NSD1: variants seen among roughly 807,000 people sequenced by gnomAD.
The protein encoded by NSD1 is histone-lysine N-methyltransferase, H3 lysine-36 specific.
In NSD1, 26 loss-of-function variants were observed where a neutral mutation model predicts 242.7. That is an observed-to-expected ratio of 0.11 (90% CI 0.08 to 0.15). The LOEUF is 0.15. NSD1 is among the 10% of genes least tolerant of loss of function. NSD1 has a pLI of 1.00. For synonymous variants in NSD1, 1,106 were observed against 1,178.1 expected, an observed-to-expected ratio of 0.94 and a Z score of 1.25; for missense variants, 2,495 against 3,272.8, an observed-to-expected ratio of 0.76 and a Z score of 5.80.
intron 5 of NSD1, among the ~76,000 whole-genome samples, chr5:177,218,684 C>T (rs1388677599): frequency 7.2e-5 from 11 of 151,856 alleles, no homozygotes; most frequent in African/African-American, 2.4e-4. Context: ...TCTCCTGCCT[C>T]GGCTTCCTGA....
At chr5:177,270,754 C>T (rs1413183800) in intron 16 of NSD1, among the ~76,000 whole-genome samples, 2 of 152,166 alleles carry the variant, frequency 1.3e-5, no homozygotes, top group Admixed American at 6.5e-5. Flanking sequence ...GTAAAACTTC[C>T]TGGTTAGGGA....
In NSD1 at chr5:177,299,604, G is replaced by A. The variant is rs1760462735; in HGVS notation, c.*4145G>A. 4.3e-6 allele frequency: 1 copy of A among 233,156 alleles called. No individual in the cohort carries two copies. Among genetic ancestry groups the A allele is most frequent in the Non-Finnish European group, 8.5e-6 (1 of 118,046 alleles). 14.4% of individuals were successfully genotyped at this position (233,156 alleles called of 1,614,324 possible). On this transcript the variant is annotated 3_prime_UTR_variant, in exon 23 of 23. Transcript: ENST00000439151. ...AAGGGTAGTATTTTCTAAGGAAGTG[G>A]AAAGAATTAAACTAGAAATCCACAA...
chr5:177,280,186 C>G (rs1395723102), intron 17 of NSD1, among the ~76,000 whole-genome samples: 1 of 151,124 alleles, frequency 6.6e-6, no homozygotes, highest in Admixed American at 6.6e-5. Flanking sequence ...ACCGTGTTAG[C>G]CAGGATGGTC....
Position 177,211,279 on chromosome 5 carries a change from C to T in NSD1, c.2880C>T (p.Gly960=), listed in dbSNP as rs1261323583. 10 of 1,614,010 alleles carry T rather than the reference C, an allele frequency of 6.2e-6. No individual in the cohort carries two copies. Among genetic ancestry groups the T allele is most frequent in the East Asian group, 2.2e-5 (1 of 44,882 alleles). ...VGVSKVLVSG[G]STHNSEKKGD... The stretch of plus-strand genomic sequence containing the variant: ...TCTCTAAGGTTTTGGTTTCAGGAGG[C>T]TCCACACACAATTCAGAGAAAAAGG... The change falls in exon 5 of 23, where the codon GGC becomes GGT. Residue 960 remains glycine (G), a synonymous_variant. Transcript: ENST00000439151.
rs773616338 is a variant in NSD1 at position 177,269,849 on chromosome 5, T to C, written c.5509+42T>C. The C allele has an allele frequency of 9.2e-6, 14 of 1,524,228 alleles. No homozygotes were observed. The highest frequency in any genetic ancestry group is 1.3e-5 in the Non-Finnish European group (14 of 1,110,132). The allele number at this position is 1,524,228 out of a possible 1,614,324, so 94.4% of individuals were successfully genotyped here. ...TGTTTCTCAGGCAAACACAGACCTC[T>C]GTTACCTGAGTGTCTGATCTGTTTT... On this transcript the variant is annotated intron_variant, in intron 16 of 22. Coordinates refer to ENST00000439151, the MANE Select transcript of NSD1 (RefSeq NM_022455.5). This position sits in a 1 kb window ranked among gnomAD's most constrained non-coding sequence, Gnocchi z 5.1.
chr5:177,287,421 A>C (rs534916997), intron 20 of NSD1, among the ~76,000 whole-genome samples: 1 of 152,336 alleles, frequency 6.6e-6, no homozygotes, highest in Non-Finnish European at 1.5e-5. Flanking sequence ...TGGGAGGATC[A>C]CTTCAGGAGT....
intron 2 of NSD1, among the ~76,000 whole-genome samples, chr5:177,158,297 C>CTTTCTTTCTTTTCTTTTCT (rs1350704343): frequency 2.9e-5 from 3 of 103,990 alleles, no homozygotes; most frequent in Non-Finnish European, 5.8e-5. Context: ...TTCTTTCTTT[C>CTTTCTTTCTTTTCTTTTCT]TTTCTTTTCT....
intron 18 of NSD1, among the ~76,000 whole-genome samples, chr5:177,281,408 G>A: frequency 6.7e-6 from 1 of 150,324 alleles, no homozygotes; most frequent in East Asian, 1.9e-4. Flanking sequence ...TCCAGGAAAT[G>A]TAGTGTATAT....
chr5:177,241,210 A>G (rs1207580750), intron 8 of NSD1, among the ~76,000 whole-genome samples: 1 of 151,924 alleles, frequency 6.6e-6, no homozygotes, highest in Non-Finnish European at 1.5e-5. Context: ...AAAATTGCTG[A>G]TATTGGCTGG....
intron 4 of NSD1, 40 bp downstream of exon 4, chr5:177,204,332 A>G: frequency 1.3e-6 from 2 of 1,573,068 alleles, no homozygotes; most frequent in Non-Finnish European, 1.7e-6. Context: ...TGACAGAAGC[A>G]AGTAAGAAAA....
intron 3 of NSD1, among the ~76,000 whole-genome samples, chr5:177,201,561 A>AC (rs1371630794): frequency 1.5e-5 from 2 of 130,972 alleles, no homozygotes; most frequent in Non-Finnish European, 3.3e-5. Context: ...TTAACTGTTT[A>AC]CTTTTTTTTT....
At chr5:177,191,740 A>T in intron 2 of NSD1, 144 bp from the exon 3 acceptor site, 1 of 782,714 alleles carries the variant, frequency 1.3e-6, no homozygotes, top group Non-Finnish European at 2.1e-6. Context: ...ATTTAGTTGT[A>T]CTTATTTTGT....
At position 177,207,327 on chromosome 5, in the gene NSD1, G is replaced by A. The variant is rs188468986; in HGVS notation, c.1237-2309G>A. Among the ~76,000 whole-genome samples, 40 of 151,318 alleles carry A rather than the reference G, an allele frequency of 2.6e-4. No individual in the cohort carries two copies. The East Asian group carries it at 7.2e-3, about 27-fold the overall frequency. On this transcript the variant is annotated intron_variant, in intron 4 of 22. Transcript: ENST00000439151. Reference sequence around the variant, plus strand: ...AGACAGAGTCTCGCTCTGTTGTGCAGGCTGGAGTGCAGTGGTGCGATGTCA... The same window carrying A: ...AGACAGAGTCTCGCTCTGTTGTGCAAGCTGGAGTGCAGTGGTGCGATGTCA...
rs114973414 is a variant in NSD1 at position 177,221,399 on chromosome 5, A to T, written c.3796+9204A>T. Among the ~76,000 whole-genome samples the T allele has an allele frequency of 1.9e-3, 295 of 152,178 alleles. 1 individual carries two copies. The highest frequency in any genetic ancestry group is 6.8e-3 in the African/African-American group (284 of 41,528). Reference sequence around the variant, plus strand: ...TGTTGTTACCATGGGGCTTAAATAAAACATCTTACAGGTACAGTAATCTAT... The same window carrying T: ...TGTTGTTACCATGGGGCTTAAATAATACATCTTACAGGTACAGTAATCTAT... On this transcript the variant is annotated intron_variant, in intron 5 of 22. Transcript: ENST00000439151.
intron 2 of NSD1, among the ~76,000 whole-genome samples, chr5:177,165,548 G>A (rs959801092): frequency 6.6e-6 from 1 of 151,772 alleles, no homozygotes; most frequent in South Asian, 2.1e-4. Context: ...GATATGATTC[G>A]CAAATTTTTT....
rs1320637207 is a variant in NSD1, at chr5:177,300,178, A to C, written c.*4719A>C. The C allele has an allele frequency of 4.4e-6, 1 of 227,670 alleles. No individual in the cohort carries two copies. Among genetic ancestry groups the C allele is most frequent in the East Asian group, 6.3e-5 (1 of 15,974 alleles). The allele number at this position is 227,670 out of a possible 1,614,324, so 14.1% of individuals were successfully genotyped here. A position where few individuals can be genotyped will look rare whatever the true frequency, so the allele number is the denominator to read the frequency against. On this transcript the variant is annotated 3_prime_UTR_variant, in exon 23 of 23. Coordinates refer to ENST00000439151, the MANE Select transcript of NSD1 (RefSeq NM_022455.5). ...CTGTAATTCTTTGTATATAGAAAAA[A>C]AATTTACTGTAAAGTAAAGTTTAAC...
Position 177,165,999 on chromosome 5 carries a change from TC to T in NSD1, c.928-25882del, listed in dbSNP as rs1759164283. Among the ~76,000 whole-genome samples the T allele has an allele frequency of 3.5e-5, 5 of 144,098 alleles. No homozygotes were observed. The South Asian group carries it at 1.1e-3, about 31-fold the overall frequency. 94.5% of individuals were successfully genotyped at this position (144,098 alleles called of 152,430 possible). A position where few individuals can be genotyped will look rare whatever the true frequency, so the allele number is the denominator to read the frequency against. Reference sequence around the variant, plus strand: ...ATCTCGGCTCATTGCAACCTCCGCCTCCCGGGTTCAAGCGATTCTCCTGCCT... The same window carrying T: ...ATCTCGGCTCATTGCAACCTCCGCCTCCGGGTTCAAGCGATTCTCCTGCCT... On this transcript the variant is annotated intron_variant, in intron 2 of 22. Transcript: ENST00000439151.
At chr5:177,177,218 A>G (rs1328803686) in intron 2 of NSD1, among the ~76,000 whole-genome samples, 1 of 152,144 alleles carries the variant, frequency 6.6e-6, no homozygotes, top group African/African-American at 2.4e-5. Context: ...AAAGGCAAAC[A>G]TCAAACAAGG....
intron 2 of NSD1, among the ~76,000 whole-genome samples, chr5:177,180,493 T>C (rs1760569919): frequency 6.6e-6 from 1 of 152,048 alleles, no homozygotes; most frequent in Admixed American, 6.6e-5. Flanking sequence ...TTGGCTCAAG[T>C]GATCCACCTG....
Sources: gnomAD v4.1 joint callset for allele counts (sites outside exome capture counted in the v4.1 genomes callset) on GRCh38, gnomAD v4.1.1 for gene constraint, Gnocchi (gnomAD v3.1) non-coding constraint, MANE v1.5 for transcripts, NCBI Gene and HGNC (gene_info 2026-07-23, HGNC 2026-07-21) for gene names.